Variants in CFAP263 observed in about 807,000 individuals in gnomAD.
The protein encoded by CFAP263 is cilia and flagella associated protein 263.
chr16:58,267,384 C>T, the CFAP263 span: 1 of 865,732 alleles, frequency 1.2e-6, no homozygotes, highest in East Asian at 2.5e-5. Context: ...TCTGGATGGT[C>T]CTGCTTTTCT....
At chr16:58,270,712 C>CT in the CFAP263 span, among the ~76,000 whole-genome samples, 2 of 152,070 alleles carry the variant, frequency 1.3e-5, no homozygotes, top group Non-Finnish European at 2.9e-5. Context: ...AGATTTACTC[C>CT]TCTGTCTTCT....
chr16:58,275,234 G>A, the CFAP263 span, among the ~76,000 whole-genome samples: 3 of 152,168 alleles, frequency 2.0e-5, no homozygotes, highest in Non-Finnish European at 4.4e-5. Flanking sequence ...ATGTTAAAAT[G>A]CAGATTCTGA....
At chr16:58,264,636 G>A in the CFAP263 span, among the ~76,000 whole-genome samples, 13 of 152,080 alleles carry the variant, frequency 8.5e-5, no homozygotes, top group African/African-American at 3.1e-4. Flanking sequence ...TAAGTGTTGC[G>A]TCCCCAGCAT....
the CFAP263 span, among the ~76,000 whole-genome samples, chr16:58,260,119 G>A: frequency 2.6e-5 from 4 of 152,102 alleles, no homozygotes; most frequent in Non-Finnish European, 5.9e-5. Flanking sequence ...ATGGGGAGAT[G>A]GTCTTGAATT....
chr16:58,250,324 G>A, the CFAP263 span: 8 of 504,122 alleles, frequency 1.6e-5, no homozygotes, highest in Admixed American at 3.8e-5. Flanking sequence ...GGATGGGGCC[G>A]GTGGTGAGAA....
At chr16:58,273,589 T>C in the CFAP263 span, among the ~76,000 whole-genome samples, 1 of 152,350 alleles carries the variant, frequency 6.6e-6, no homozygotes, top group East Asian at 1.9e-4. Context: ...TTATTATTAT[T>C]ACTTTAATTC....
chr16:58,280,816 A>G, the CFAP263 span: 6 of 1,465,682 alleles, frequency 4.1e-6, no homozygotes, highest in Middle Eastern at 3.6e-4. Flanking sequence ...TTGTAAATCT[A>G]TCCTTGTGCA....
chr16:58,267,159 C>T, the CFAP263 span, among the ~76,000 whole-genome samples: 177 of 152,300 alleles, frequency 1.2e-3, 3 homozygotes, highest in East Asian at 0.032. Context: ...CTCTCCACAA[C>T]CCTACATGGT....
the CFAP263 span, among the ~76,000 whole-genome samples, chr16:58,259,389 G>A: frequency 6.6e-6 from 1 of 152,148 alleles, no homozygotes; most frequent in Non-Finnish European, 1.5e-5. Context: ...ATCAGGAGAT[G>A]GACCTTGGGC....
chr16:58,259,198 G>C, the CFAP263 span, among the ~76,000 whole-genome samples: 1 of 151,952 alleles, frequency 6.6e-6, no homozygotes, highest in Non-Finnish European at 1.5e-5. Flanking sequence ...TGTGGAGTAG[G>C]ACAGGTAAAT....
At chr16:58,252,071 A>G in the CFAP263 span, among the ~76,000 whole-genome samples, 1 of 152,236 alleles carries the variant, frequency 6.6e-6, no homozygotes, top group South Asian at 2.1e-4. Context: ...AACTTCAAGA[A>G]TATAGTAATT....
the CFAP263 span, among the ~76,000 whole-genome samples, chr16:58,269,161 C>T: frequency 3.3e-5 from 5 of 151,804 alleles, no homozygotes; most frequent in African/African-American, 7.3e-5. Context: ...GGTGAAACCC[C>T]GCCCTACTAA....
chr16:58,270,000 T>C, the CFAP263 span, among the ~76,000 whole-genome samples: 1 of 152,256 alleles, frequency 6.6e-6, no homozygotes, highest in Non-Finnish European at 1.5e-5. Flanking sequence ...ATCTTTGTTA[T>C]TCTCAGTTTT....
chr16:58,271,547 C>A, the CFAP263 span, among the ~76,000 whole-genome samples: 1 of 152,206 alleles, frequency 6.6e-6, no homozygotes, highest in African/African-American at 2.4e-5. Flanking sequence ...TCTCCTTAAG[C>A]TCCTCTTGGC....
At chr16:58,252,696 C>G in the CFAP263 span, 1 of 1,603,940 alleles carries the variant, frequency 6.2e-7, no homozygotes, top group Non-Finnish European at 8.5e-7. Context: ...ACTCTTATTA[C>G]TAGAACTTAC....
chr16:58,260,154 C>T, the CFAP263 span, among the ~76,000 whole-genome samples: 3 of 152,124 alleles, frequency 2.0e-5, no homozygotes, highest in Non-Finnish European at 4.4e-5. Flanking sequence ...TATATAATCT[C>T]CCTCCTTATC....
At chr16:58,261,434 T>TA in the CFAP263 span, among the ~76,000 whole-genome samples, 8 of 152,316 alleles carry the variant, frequency 5.3e-5, no homozygotes, top group African/African-American at 1.9e-4. Flanking sequence ...GGATGATCTT[T>TA]AACCTTAATG....
the CFAP263 span, chr16:58,279,753 G>A: frequency 6.2e-7 from 1 of 1,613,416 alleles, no homozygotes; most frequent in Admixed American, 1.7e-5. Flanking sequence ...AGCAGTTGCA[G>A]GCAGATTACC....
At chr16:58,254,027 G>A in the CFAP263 span, 4 of 1,614,202 alleles carry the variant, frequency 2.5e-6, no homozygotes, top group Non-Finnish European at 3.4e-6. Context: ...CCAAATCCCG[G>A]ACAGGTATGG....
Sources: gnomAD v4.1 joint callset for allele counts (sites outside exome capture counted in the v4.1 genomes callset) on GRCh38, gnomAD v4.1.1 for gene constraint, MANE v1.5 for transcripts, NCBI Gene and HGNC (gene_info 2026-07-23, HGNC 2026-07-21) for gene names.